Variants in GNB1L observed in about 807,000 individuals in gnomAD.
GNB1L encodes G protein subunit beta 1 like.
In GNB1L, 20 loss-of-function variants were observed where a neutral mutation model predicts 29.1. The observed-to-expected ratio is 0.69, with a 90% CI of 0.48 to 1.00. GNB1L has a LOEUF of 1.00. Ranked by LOEUF, GNB1L falls within the 50% of genes least tolerant of loss-of-function variation. The pLI, the probability that GNB1L is intolerant of heterozygous loss-of-function variation, is 0.00. For missense variants in GNB1L, 421 were observed against 464.9 expected (o/e 0.91, Z 0.87); for synonymous variants, 193 against 206.5 (o/e 0.93, Z 0.56).
At chr22:19,850,979 C>T (rs1384731942) in intron 2 of GNB1L, 11 of 1,411,132 alleles carry the variant, frequency 7.8e-6, no homozygotes, top group Non-Finnish European at 9.2e-6. Flanking sequence ...GGGCGGAGGT[C>T]AAGCTCTGCT....
At chr22:19,810,990 A>G (rs990281023) in intron 5 of GNB1L, among the ~76,000 whole-genome samples, 3 of 152,186 alleles carry the variant, frequency 2.0e-5, no homozygotes, top group Admixed American at 1.3e-4. Context: ...AGACCAGCGC[A>G]TGGAGCACAG....
chr22:19,835,673 C>T lies in GNB1L; in HGVS notation c.-20-14298G>A, dbSNP rs549036547. On this transcript the variant is annotated intron_variant, in intron 2 of 7. Coordinates refer to ENST00000329517, the MANE Select transcript of GNB1L (RefSeq NM_053004.3). ...TGGGCGACAGAGCGAGACTCTGTCT[C>T]GATAAAAAAAAAAATGTAAAAAAAC... is the stretch of plus-strand genomic sequence containing the variant. 1.6e-3 allele frequency among the ~76,000 whole-genome samples: 240 copies of T among 148,334 alleles called. 1 individual carries two copies. Among genetic ancestry groups the T allele is most frequent in the Non-Finnish European group, 1.5e-3 (104 of 67,396 alleles).
At chr22:19,805,790 A>T (rs2145870661) in intron 6 of GNB1L, among the ~76,000 whole-genome samples, 1 of 151,608 alleles carries the variant, frequency 6.6e-6, no homozygotes, top group Admixed American at 6.6e-5. Context: ...ACAAAAAAAA[A>T]ATAAATAAAT....
chr22:19,818,138 C>G (rs544308864), intron 4 of GNB1L, among the ~76,000 whole-genome samples: 38 of 152,360 alleles, frequency 2.5e-4, no homozygotes, highest in Non-Finnish European at 4.0e-4. Context: ...CCCCCTGACC[C>G]GTGGCTGGCT....
chr22:19,801,749 T>C (rs1328012977), intron 7 of GNB1L, among the ~76,000 whole-genome samples: 3 of 151,600 alleles, frequency 2.0e-5, no homozygotes, highest in East Asian at 3.9e-4. Flanking sequence ...TCTGCGTGCC[T>C]TTCTCTAGAT....
chr22:19,788,488 C>A lies in GNB1L; in HGVS notation c.*221G>T, dbSNP rs1403867224. The A allele has an allele frequency of 1.5e-6, 1 of 657,778 alleles. No individual in the cohort carries two copies. The highest frequency in any genetic ancestry group is 2.8e-6 in the Non-Finnish European group (1 of 359,114). The allele number at this position is 657,778 out of a possible 1,614,324, so 40.7% of individuals were successfully genotyped here. On this transcript the variant is annotated 3_prime_UTR_variant, in exon 8 of 8. Coordinates refer to ENST00000329517, the MANE Select transcript of GNB1L (RefSeq NM_053004.3). The stretch of plus-strand genomic sequence containing the variant: ...GGCCCAAGCCAACGTCTCCTGCAGG[C>A]CTCGGACGGCCAGGGCTCTGGCTGG...
At chr22:19,834,149 C>T (rs1426214939) in intron 2 of GNB1L, among the ~76,000 whole-genome samples, 1 of 151,970 alleles carries the variant, frequency 6.6e-6, no homozygotes, top group African/African-American at 2.4e-5. Flanking sequence ...TGTTTAAGAA[C>T]ATGATGAACC....
At chr22:19,805,949 TG>T (rs1453777198) in intron 6 of GNB1L, among the ~76,000 whole-genome samples, 1 of 152,146 alleles carries the variant, frequency 6.6e-6, no homozygotes, top group Admixed American at 6.5e-5. Context: ...GCCCTGGACA[TG>T]AGCGGCCCCG....
At chr22:19,805,801 A>T (rs1229810716) in intron 6 of GNB1L, among the ~76,000 whole-genome samples, 1 of 151,096 alleles carries the variant, frequency 6.6e-6, no homozygotes, top group Non-Finnish European at 1.5e-5. Flanking sequence ...ATAAATAAAT[A>T]AAATAGAAAA....
chr22:19,842,727 G>A (rs1434591639), intron 2 of GNB1L, among the ~76,000 whole-genome samples: 1 of 152,210 alleles, frequency 6.6e-6, no homozygotes, highest in East Asian at 1.9e-4. Context: ...ACCCTCCCTG[G>A]GCAAGGAAAA....
chr22:19,839,856 G>T (rs1336227209), intron 2 of GNB1L, among the ~76,000 whole-genome samples: 1 of 151,544 alleles, frequency 6.6e-6, no homozygotes, highest in Non-Finnish European at 1.5e-5. Context: ...CTCCAGCCTG[G>T]GCAACAGAGA....
chr22:19,839,653 C>T (rs764892289), intron 2 of GNB1L, among the ~76,000 whole-genome samples: 5 of 151,782 alleles, frequency 3.3e-5, no homozygotes, highest in Non-Finnish European at 5.9e-5. Context: ...CTGAGGCAAG[C>T]GGATCACCTG....
At chr22:19,835,168 G>A (rs896444502) in intron 2 of GNB1L, among the ~76,000 whole-genome samples, 15 of 152,098 alleles carry the variant, frequency 9.9e-5, no homozygotes, top group Non-Finnish European at 1.8e-4. Flanking sequence ...ATTATAGGTG[G>A]AGACTTAAAC....
intron 4 of GNB1L, among the ~76,000 whole-genome samples, chr22:19,819,321 G>A (rs904713789): frequency 6.6e-6 from 1 of 152,260 alleles, no homozygotes; most frequent in Non-Finnish European, 1.5e-5. Context: ...CACCCATGCA[G>A]GAGGATGGTG....
chr22:19,801,659 T>TG (rs1054876476), intron 7 of GNB1L, among the ~76,000 whole-genome samples: 22 of 151,930 alleles, frequency 1.4e-4, no homozygotes, highest in Middle Eastern at 3.4e-3. Flanking sequence ...ACTGGTTTTT[T>TG]TTTTTTTTTT....
At chr22:19,827,748 A>G (rs904932006) in intron 2 of GNB1L, among the ~76,000 whole-genome samples, 1 of 152,224 alleles carries the variant, frequency 6.6e-6, no homozygotes, top group Non-Finnish European at 1.5e-5. Context: ...GAAGGAGCGC[A>G]CACGGAAACG....
chr22:19,846,863 GTTGT>G lies in GNB1L; in HGVS notation c.-21+7576_-21+7579del, dbSNP rs746957515. Reference sequence around the variant, plus strand: ...GCTCCAGAATCATGAGGAAATGTCTGTTGTTTAAGTCCCCTAGCCTGCGGTCCTT... The same window carrying G: ...GCTCCAGAATCATGAGGAAATGTCTGTTAAGTCCCCTAGCCTGCGGTCCTT... On this transcript the variant is annotated intron_variant, in intron 2 of 7. Transcript: ENST00000329517. The G allele has an allele frequency of 1.4e-5, 13 of 918,880 alleles. No homozygotes were observed. In the South Asian group the frequency reaches 3.0e-4, roughly 21 times the overall value. 56.9% of individuals were successfully genotyped at this position (918,880 alleles called of 1,614,324 possible). A position where few individuals can be genotyped will look rare whatever the true frequency, so the allele number is the denominator to read the frequency against.
intron 2 of GNB1L, among the ~76,000 whole-genome samples, chr22:19,826,677 C>G (rs1407179526): frequency 6.6e-6 from 1 of 152,216 alleles, no homozygotes; most frequent in Admixed American, 6.5e-5. Context: ...AAACTGTTTA[C>G]TGATCACAAA....
chr22:19,793,203 T>A, intron 7 of GNB1L: 3 of 675,680 alleles, frequency 4.4e-6, no homozygotes, highest in East Asian at 2.8e-5. Context: ...CAAAAAATTG[T>A]CTTGAGTGAG....
Sources: gnomAD v4.1 joint callset for allele counts (sites outside exome capture counted in the v4.1 genomes callset) on GRCh38, gnomAD v4.1.1 for gene constraint, MANE v1.5 for transcripts, NCBI Gene and HGNC (gene_info 2026-07-23, HGNC 2026-07-21) for gene names.